Variants in DENND1A observed in about 807,000 individuals in gnomAD.
DENND1A encodes DENN domain containing 1A.
A neutral mutation model predicts 113.7 loss-of-function variants in DENND1A; 51 were observed. The observed-to-expected ratio is 0.45, with a 90% CI of 0.36 to 0.57. DENND1A has a LOEUF of 0.57. Ranked by LOEUF, DENND1A falls within the 20% of genes least tolerant of loss-of-function variation. The pLI is 0.00. For missense variants in DENND1A, 1,258 were observed against 1,395.9 expected, an observed-to-expected ratio of 0.90 and a Z score of 1.57; for synonymous variants, 565 against 570.8, an observed-to-expected ratio of 0.99 and a Z score of 0.14.
chr9:123,711,075 A>G (rs1042650187), intron 5 of DENND1A, among the ~76,000 whole-genome samples: 1 of 152,206 alleles, frequency 6.6e-6, no homozygotes, highest in African/African-American at 2.4e-5. Context: ...CATTATATTG[A>G]TAAGTTAAAT....
intron 11 of DENND1A, among the ~76,000 whole-genome samples, chr9:123,604,016 C>T (rs144391740): frequency 3.5e-4 from 53 of 152,296 alleles, no homozygotes; most frequent in African/African-American, 1.2e-3. Context: ...TCTAATGGCC[C>T]AGAAGGAGAA....
chr9:123,582,410 T>A (rs1357180061), intron 12 of DENND1A, among the ~76,000 whole-genome samples: 1 of 152,016 alleles, frequency 6.6e-6, no homozygotes, highest in East Asian at 1.9e-4. Context: ...TTTCTTTTTT[T>A]TTTTTTTGAG....
chr9:123,735,717 G>A (rs1373537874), intron 5 of DENND1A, among the ~76,000 whole-genome samples: 3 of 152,194 alleles, frequency 2.0e-5, no homozygotes, highest in Non-Finnish European at 4.4e-5. Context: ...ACTGAAGCTT[G>A]GCTGGGCGTG....
At chr9:123,546,275 G>GCA (rs1564691823) in intron 13 of DENND1A, among the ~76,000 whole-genome samples, 1 of 152,070 alleles carries the variant, frequency 6.6e-6, no homozygotes, top group African/African-American at 2.4e-5. Context: ...TTGGCCGGGC[G>GCA]AGGTGGCTCA....
chr9:123,725,586 C>G (rs1053407740), intron 5 of DENND1A, among the ~76,000 whole-genome samples: 1 of 152,210 alleles, frequency 6.6e-6, no homozygotes, highest in Non-Finnish European at 1.5e-5. Context: ...TAACCACGAG[C>G]AGAACTGCAG....
At chr9:123,901,773 G>A (rs539711423) in intron 1 of DENND1A, among the ~76,000 whole-genome samples, 6 of 152,296 alleles carry the variant, frequency 3.9e-5, no homozygotes, top group Admixed American at 1.3e-4. Context: ...GGGAGGCTGA[G>A]GCGGGTGGAT....
intron 11 of DENND1A, among the ~76,000 whole-genome samples, chr9:123,591,195 TG>T (rs942936326): frequency 2.7e-4 from 41 of 152,196 alleles, no homozygotes; most frequent in Admixed American, 2.0e-4. Context: ...ATGAAAACAA[TG>T]GGATTTCCTC....
At chr9:123,628,990 C>G (rs1172431540) in intron 10 of DENND1A, among the ~76,000 whole-genome samples, 1 of 152,208 alleles carries the variant, frequency 6.6e-6, no homozygotes, top group South Asian at 2.1e-4. Context: ...CACATGATGT[C>G]CCTGAGTTAT....
intron 13 of DENND1A, among the ~76,000 whole-genome samples, chr9:123,516,997 A>G (rs1428500270): frequency 6.6e-6 from 1 of 151,548 alleles, no homozygotes; most frequent in African/African-American, 2.4e-5. Flanking sequence ...CATATCCTTT[A>G]ATCCAGAACT....
At chr9:123,819,971 A>T (rs1009170916) in intron 2 of DENND1A, among the ~76,000 whole-genome samples, 3 of 152,230 alleles carry the variant, frequency 2.0e-5, no homozygotes, top group African/African-American at 4.8e-5. Flanking sequence ...AAACTAAATG[A>T]CACTATTTGG....
intron 8 of DENND1A, among the ~76,000 whole-genome samples, chr9:123,660,224 A>C (rs532852149): frequency 7.4e-4 from 113 of 152,288 alleles, no homozygotes; most frequent in Admixed American, 1.7e-3. Flanking sequence ...TTAAAGTGGA[A>C]GCATGTACGG....
intron 2 of DENND1A, among the ~76,000 whole-genome samples, chr9:123,804,454 CCT>C (rs1039263504): frequency 6.6e-6 from 1 of 152,206 alleles, no homozygotes; most frequent in African/African-American, 2.4e-5. Flanking sequence ...TCTGCAGGCT[CCT>C]TGCTGATCTC....
intron 20 of DENND1A, among the ~76,000 whole-genome samples, chr9:123,406,597 G>A (rs2043873031): frequency 1.3e-5 from 2 of 152,226 alleles, no homozygotes; most frequent in South Asian, 2.1e-4. Flanking sequence ...GCATAATGAC[G>A]CTGCGAGTAT....
At chr9:123,432,913 C>A (rs1176327035) in intron 19 of DENND1A, among the ~76,000 whole-genome samples, 1 of 152,210 alleles carries the variant, frequency 6.6e-6, no homozygotes, top group Non-Finnish European at 1.5e-5. Context: ...CCTTTCCCAC[C>A]CAGAGGTGTA....
chr9:123,446,539 C>T (rs2047319399), intron 18 of DENND1A, among the ~76,000 whole-genome samples: 1 of 151,696 alleles, frequency 6.6e-6, no homozygotes, highest in Non-Finnish European at 1.5e-5. Flanking sequence ...TCAACAAGCT[C>T]GATTTGTCTT....
At position 123,662,527 on chromosome 9, in the gene DENND1A, C is replaced by A. The variant is rs532057912; in HGVS notation, c.507+4499G>T. On this transcript the variant is annotated intron_variant, in intron 8 of 23. Transcript: ENST00000394215. ...GCAGTGAGCCGAGATTGTGCCACTG[C>A]ACTCCAGCCTGAATGACAGAGCGAG... Among the ~76,000 whole-genome samples the A allele has an allele frequency of 1.3e-3, 196 of 152,290 alleles. 1 individual carries two copies. The highest frequency in any genetic ancestry group is 4.5e-3 in the African/African-American group (186 of 41,544).
At chr9:123,872,748 T>C (rs1008602941) in intron 2 of DENND1A, among the ~76,000 whole-genome samples, 1 of 152,130 alleles carries the variant, frequency 6.6e-6, no homozygotes, top group African/African-American at 2.4e-5. Flanking sequence ...AAAATTTGAG[T>C]ATATGTACTT....
intron 10 of DENND1A, 125 bp from the exon 11 acceptor site, chr9:123,609,606 C>A: frequency 9.2e-7 from 1 of 1,092,192 alleles, no homozygotes; most frequent in South Asian, 1.8e-5. Flanking sequence ...CATTTCCTTT[C>A]ACAACAAAAA....
intron 3 of DENND1A, among the ~76,000 whole-genome samples, chr9:123,774,444 T>C (rs1164966275): frequency 2.0e-5 from 3 of 152,212 alleles, no homozygotes; most frequent in Non-Finnish European, 2.9e-5. Flanking sequence ...AGTTCAAGAA[T>C]GTTGATCAGA....
Sources: gnomAD v4.1 joint callset for allele counts (sites outside exome capture counted in the v4.1 genomes callset) on GRCh38, gnomAD v4.1.1 for gene constraint, MANE v1.5 for transcripts, NCBI Gene and HGNC (gene_info 2026-07-23, HGNC 2026-07-21) for gene names.